The following CEP128 variants were observed in gnomAD, a reference collection of about 807,000 sequenced individuals.
CEP128 encodes the protein centrosomal protein 128kDa.
CEP128 carries 132 observed loss-of-function variants against 156.7 expected under a neutral mutation model. The observed-to-expected ratio is 0.84, with a 90% CI of 0.73 to 0.97. The LOEUF is 0.97. Among genes scored for constraint, CEP128 ranks in the 50% least tolerant of loss-of-function variants. The pLI is 0.00. For synonymous variants in CEP128, 469 were observed against 448.9 expected, an observed-to-expected ratio of 1.04 and a Z score of -0.57; for missense variants, 1,252 against 1,281.9, an observed-to-expected ratio of 0.98 and a Z score of 0.36.
At chr14:80,802,090 GAA>G (rs1566636719) in intron 13 of CEP128, among the ~76,000 whole-genome samples, 1 of 151,964 alleles carries the variant, frequency 6.6e-6, no homozygotes, top group Non-Finnish European at 1.5e-5. Context: ...CTGTTGGTAG[GAA>G]AGTAAATTAG....
chr14:80,879,931 C>T (rs1355819825), intron 8 of CEP128, among the ~76,000 whole-genome samples: 1 of 152,176 alleles, frequency 6.6e-6, no homozygotes, highest in African/African-American at 2.4e-5. Context: ...ATCAAAATTT[C>T]TTACACTCTT....
At position 80,673,729 on chromosome 14, in the gene CEP128, T is replaced by TTTA. The variant is rs1329874245; in HGVS notation, c.2806+69345_2806+69346insTAA. ...ACGTAAAACCGCTTACAACCTATAA[T>TTTA]CCTGGTCTACCTTTGGTTTTCTTGA... On this transcript the variant is annotated intron_variant, in intron 19 of 24. Coordinates refer to ENST00000555265, the MANE Select transcript of CEP128 (RefSeq NM_152446.5). 2.7e-5 allele frequency among the ~76,000 whole-genome samples: 4 copies of TTTA among 148,190 alleles called. No homozygotes were observed. The East Asian group carries it at 6.1e-4, about 23-fold the overall frequency.
At chr14:80,493,693 G>A (rs184772184), downstream of CEP128, among the ~76,000 whole-genome samples, 5 of 152,256 alleles carry the variant, frequency 3.3e-5, no homozygotes, top group East Asian at 1.9e-4. Context: ...CCCTAGACTC[G>A]GCCCTTACAG....
At chr14:80,736,073 G>A (rs917871170) in intron 19 of CEP128, among the ~76,000 whole-genome samples, 2 of 152,088 alleles carry the variant, frequency 1.3e-5, no homozygotes, top group African/African-American at 2.4e-5. Context: ...TGGCAGAGGA[G>A]GGAGGGAATA....
chr14:80,947,838 G>A (rs1341539289), intron 2 of CEP128, among the ~76,000 whole-genome samples: 2 of 152,190 alleles, frequency 1.3e-5, no homozygotes, highest in Non-Finnish European at 2.9e-5. Context: ...ACTCAAGCAA[G>A]CACTATTCAT....
Position 80,831,158 on chromosome 14 carries a change from C to G in CEP128, c.1194G>C (p.Leu398Phe), listed in dbSNP as rs1293927161. 1 of 1,613,766 alleles carries G rather than the reference C, an allele frequency of 6.2e-7. No individual in the cohort carries two copies. The highest frequency in any genetic ancestry group is 1.3e-5 in the African/African-American group (1 of 74,876). The change falls in exon 13 of 25, where the codon TTG becomes TTC. Residue 398 changes from leucine (L) to phenylalanine (F), a missense_variant. Physicochemically the swap from Leu to Phe is conservative, Grantham distance 22. Coordinates refer to ENST00000555265, the MANE Select transcript of CEP128 (RefSeq NM_152446.5). Reference protein sequence around the residue: ...MERKDKEKAHLASQVENLTRE... With the variant: ...MERKDKEKAHFASQVENLTRE... ...GCAAAGTCACCTCTACTTGTGATGCCAAATGTGCTTTCTCCTTGTCTTTTC... is the reference window on the plus strand; with the variant it reads ...GCAAAGTCACCTCTACTTGTGATGCGAAATGTGCTTTCTCCTTGTCTTTTC...
At chr14:80,541,086 G>A (rs1375003251) in intron 21 of CEP128, among the ~76,000 whole-genome samples, 2 of 152,132 alleles carry the variant, frequency 1.3e-5, no homozygotes, top group Non-Finnish European at 2.9e-5. Flanking sequence ...GGAGATACAA[G>A]GTTATAGCTC....
At chr14:80,750,302 G>T (rs781148126) in intron 18 of CEP128, among the ~76,000 whole-genome samples, 1 of 152,172 alleles carries the variant, frequency 6.6e-6, no homozygotes, top group Non-Finnish European at 1.5e-5. Flanking sequence ...GGACTGGACC[G>T]TGTCAAATCA....
chr14:80,725,397 G>A (rs548011052), intron 19 of CEP128, among the ~76,000 whole-genome samples: 39 of 151,746 alleles, frequency 2.6e-4, no homozygotes, highest in Non-Finnish European at 5.0e-4. Flanking sequence ...TGGCCAGGCC[G>A]GTCTCGAACT....
At position 80,906,052 on chromosome 14, in the gene CEP128, G is replaced by C; in HGVS notation, c.264C>G (p.Asp88Glu). The C allele has an allele frequency of 3.1e-6, 5 of 1,605,932 alleles. No homozygotes were observed. The highest frequency in any genetic ancestry group is 4.2e-6 in the Non-Finnish European group (5 of 1,177,878). Residue 88 changes from aspartate (D) to glutamate (E), a missense_variant, in exon 5 of 25, where the codon GAC becomes GAG. Transcript: ENST00000555265. Reference protein sequence around the residue: ...HLKESLEQSIDQLRSQRLLRN... With the variant: ...HLKESLEQSIEQLRSQRLLRN... ...TCAATAAACGTTGACTCCGGAGTTG[G>C]TCGATTGATTGTTCCAAGCTTTCTT... is the stretch of plus-strand genomic sequence containing the variant.
intron 21 of CEP128, among the ~76,000 whole-genome samples, chr14:80,543,214 T>A (rs1279729594): frequency 6.6e-6 from 1 of 152,248 alleles, no homozygotes; most frequent in East Asian, 1.9e-4. Flanking sequence ...TAATCCTTTT[T>A]TGAACACTTA....
At chr14:80,728,804 C>T (rs2590487) in intron 19 of CEP128, among the ~76,000 whole-genome samples, 95,996 of 152,118 alleles carry the variant, frequency 0.63, 32,583 homozygotes, top group African/African-American at 0.89. Flanking sequence ...CAGATATCAA[C>T]ATTGTAGAAC....
chr14:80,879,850 A>G (rs1888450529), intron 8 of CEP128, among the ~76,000 whole-genome samples: 1 of 152,238 alleles, frequency 6.6e-6, no homozygotes, highest in Admixed American at 6.5e-5. Context: ...GATTCAACTC[A>G]AAGAGATCCT....
At chr14:80,623,575 A>G (rs933629232) in intron 19 of CEP128, among the ~76,000 whole-genome samples, 9 of 151,912 alleles carry the variant, frequency 5.9e-5, no homozygotes, top group African/African-American at 2.2e-4. Context: ...TATACCTTAT[A>G]TTTATATTTT....
intron 20 of CEP128, among the ~76,000 whole-genome samples, chr14:80,570,594 C>T (rs1450741853): frequency 6.6e-6 from 1 of 152,148 alleles, no homozygotes; most frequent in Admixed American, 6.6e-5. Flanking sequence ...TGACTCAAAA[C>T]AGTCTATACT....
At chr14:80,694,158 AG>A (rs1566861190) in intron 19 of CEP128, among the ~76,000 whole-genome samples, 2 of 152,208 alleles carry the variant, frequency 1.3e-5, no homozygotes, top group African/African-American at 4.8e-5. Context: ...TATGAAAAAA[AG>A]CTCATCAACA....
At chr14:80,780,385 G>C (rs1299678855) in intron 15 of CEP128, among the ~76,000 whole-genome samples, 1 of 152,068 alleles carries the variant, frequency 6.6e-6, no homozygotes, top group African/African-American at 2.4e-5. Flanking sequence ...ATGGCATGAA[G>C]TGGTGATTTT....
At chr14:80,699,035 G>A (rs1327682245) in intron 19 of CEP128, among the ~76,000 whole-genome samples, 1 of 152,154 alleles carries the variant, frequency 6.6e-6, no homozygotes, top group Non-Finnish European at 1.5e-5. Flanking sequence ...AAGAGAATGA[G>A]AGGGAGAGAA....
At chr14:80,729,062 T>TGG (rs1898149323) in intron 19 of CEP128, among the ~76,000 whole-genome samples, 2 of 30,660 alleles carry the variant, frequency 6.5e-5, no homozygotes, top group Non-Finnish European at 1.6e-4. Context: ...GGTGGGGGTG[T>TGG]GTGTGTGTGT....
Sources: gnomAD v4.1 joint callset for allele counts (sites outside exome capture counted in the v4.1 genomes callset) on GRCh38, gnomAD v4.1.1 for gene constraint, MANE v1.5 for transcripts, NCBI Gene and HGNC (gene_info 2026-07-23, HGNC 2026-07-21) for gene names.